DCC: variants seen among roughly 807,000 people sequenced by gnomAD.
DCC encodes netrin receptor DCC.
In DCC, 58 loss-of-function variants were observed where a neutral mutation model predicts 172.5. The observed-to-expected ratio is 0.34, with a 90% CI of 0.27 to 0.42. The LOEUF is 0.42. DCC is among the 10% of genes least tolerant of loss of function. The pLI, the probability that DCC is intolerant of heterozygous loss-of-function variation, is 1.00. For missense variants in DCC, 1,740 were observed against 1,791.0 expected, an observed-to-expected ratio of 0.97 and a Z score of 0.51; for synonymous variants, 709 against 644.5, an observed-to-expected ratio of 1.10 and a Z score of -1.52.
intron 1 of DCC, among the ~76,000 whole-genome samples, chr18:52,660,006 G>C (rs1421629408): frequency 6.6e-6 from 1 of 152,148 alleles, no homozygotes; most frequent in Non-Finnish European, 1.5e-5. Flanking sequence ...GATTTTATGA[G>C]AGCTTGAAAA....
intron 15 of DCC, among the ~76,000 whole-genome samples, chr18:53,385,325 G>C (rs986510647): frequency 2.6e-5 from 4 of 152,126 alleles, no homozygotes; most frequent in African/African-American, 7.2e-5. Context: ...AAAATTGACA[G>C]AAACAATGTG....
At chr18:52,883,601 C>T (rs141865316) in intron 2 of DCC, among the ~76,000 whole-genome samples, 303 of 152,076 alleles carry the variant, frequency 2.0e-3, no homozygotes, top group African/African-American at 6.9e-3. Context: ...TAAAACTCTA[C>T]ACTTTGTCTC....
At chr18:52,690,471 G>A (rs2035914102) in intron 1 of DCC, among the ~76,000 whole-genome samples, 1 of 152,148 alleles carries the variant, frequency 6.6e-6, no homozygotes, top group Non-Finnish European at 1.5e-5. Context: ...CTTTGTTGAG[G>A]ATATTGACAA....
chr18:52,411,274 G>A (rs1306200722), intron 1 of DCC, among the ~76,000 whole-genome samples: 1 of 152,124 alleles, frequency 6.6e-6, no homozygotes, highest in Admixed American at 6.6e-5. Flanking sequence ...CTGTGAAAGA[G>A]CATGGCATCT....
At chr18:52,903,437 G>A (rs1271800588) in intron 2 of DCC, among the ~76,000 whole-genome samples, 3 of 152,056 alleles carry the variant, frequency 2.0e-5, no homozygotes, top group African/African-American at 7.2e-5. Flanking sequence ...AAACTCCTGT[G>A]CTCAAGTGAT....
chr18:52,781,819 A>G, intron 2 of DCC, among the ~76,000 whole-genome samples: 1 of 152,104 alleles, frequency 6.6e-6, no homozygotes, highest in East Asian at 1.9e-4. Context: ...CATCAATTGG[A>G]TGTTATACCC....
intron 2 of DCC, among the ~76,000 whole-genome samples, chr18:52,828,649 C>T (rs2038555929): frequency 1.3e-5 from 2 of 152,082 alleles, no homozygotes; most frequent in South Asian, 4.1e-4. Flanking sequence ...ACAGAAGACT[C>T]ATTTCTGAAA....
chr18:53,066,419 G>A (rs12961883), intron 7 of DCC, among the ~76,000 whole-genome samples: 2 of 131,764 alleles, frequency 1.5e-5, no homozygotes, highest in Admixed American at 7.5e-5. Context: ...GTATGTGTGT[G>A]TTTGTGTATA....
rs1453377719 is a variant in DCC at position 53,428,328 on chromosome 18, TAA to T, written c.3164-6815_3164-6814del. ...ATAGAATATAATATATAATATAATATAATATATTGTATATAATATAATATATG... is the reference window on the plus strand; with the variant it reads ...ATAGAATATAATATATAATATAATATTATATTGTATATAATATAATATATG... On this transcript the variant is annotated intron_variant, in intron 21 of 28. Coordinates refer to ENST00000442544, the MANE Select transcript of DCC (RefSeq NM_005215.4). Among the ~76,000 whole-genome samples, 545 of 69,004 alleles carry T rather than the reference TAA, an allele frequency of 7.9e-3. 81 individuals are homozygous for T. Among genetic ancestry groups the T allele is most frequent in the Non-Finnish European group, 0.014 (489 of 35,744 alleles). 45.3% of individuals were successfully genotyped at this position (69,004 alleles called of 152,430 possible).
chr18:52,359,301 G>A (rs1228013799), intron 1 of DCC, among the ~76,000 whole-genome samples: 3 of 152,172 alleles, frequency 2.0e-5, no homozygotes, highest in East Asian at 3.9e-4. Flanking sequence ...TTATGAAATT[G>A]TATGGTTTGA....
chr18:53,051,395 T>C (rs1346380211), intron 5 of DCC, among the ~76,000 whole-genome samples: 2 of 152,088 alleles, frequency 1.3e-5, no homozygotes, highest in Admixed American at 1.3e-4. Context: ...CCTGTTCAGG[T>C]TTATAATGAT....
intron 5 of DCC, among the ~76,000 whole-genome samples, chr18:53,002,706 G>A (rs866561651): frequency 4.6e-5 from 7 of 151,830 alleles, no homozygotes; most frequent in South Asian, 2.1e-4. Context: ...TGTGCACAAC[G>A]TGCAGGTTTG....
chr18:53,083,934 A>G (rs542273290), intron 7 of DCC, among the ~76,000 whole-genome samples: 81 of 152,272 alleles, frequency 5.3e-4, no homozygotes, highest in African/African-American at 1.9e-3. Flanking sequence ...AACTGTAACA[A>G]CCTTTCTCCG....
intron 4 of DCC, among the ~76,000 whole-genome samples, chr18:52,924,214 A>C (rs982043028): frequency 3.3e-5 from 5 of 152,098 alleles, no homozygotes; most frequent in Admixed American, 2.0e-4. Flanking sequence ...TGTCACACAC[A>C]AAAGATAACT....
intron 1 of DCC, among the ~76,000 whole-genome samples, chr18:52,414,796 G>A (rs1222938): frequency 0.72 from 109,964 of 152,130 alleles, 39,937 homozygotes; most frequent in African/African-American, 0.76. Context: ...TTCTCATTCT[G>A]TGTTGCGTGA....
At chr18:53,066,654 A>AATATATATACAT (rs937470697) in intron 7 of DCC, among the ~76,000 whole-genome samples, 1 of 151,748 alleles carries the variant, frequency 6.6e-6, no homozygotes, top group African/African-American at 2.4e-5. Context: ...CATATCTATA[A>AATATATATACAT]ATATATATAC....
At chr18:52,514,671 G>A (rs555041009) in intron 1 of DCC, among the ~76,000 whole-genome samples, 2 of 152,292 alleles carry the variant, frequency 1.3e-5, no homozygotes, top group South Asian at 2.1e-4. Flanking sequence ...TATCAACTGA[G>A]TATAATTTTC....
intron 1 of DCC, among the ~76,000 whole-genome samples, chr18:52,578,922 A>C (rs1161668868): frequency 1.3e-5 from 2 of 152,180 alleles, no homozygotes; most frequent in African/African-American, 2.4e-5. Flanking sequence ...TGGAGGTTGC[A>C]GTGAGCCGAG....
intron 1 of DCC, among the ~76,000 whole-genome samples, chr18:52,439,292 A>G (rs569486027): frequency 6.6e-6 from 1 of 151,796 alleles, no homozygotes; most frequent in East Asian, 1.9e-4. Context: ...GAGAGTACAC[A>G]TCAATAAGAA....
Sources: allele counts gnomAD v4.1 joint callset (sites outside exome capture counted in the v4.1 genomes callset), GRCh38; gene constraint gnomAD v4.1.1; transcripts MANE v1.5; gene names NCBI Gene and HGNC (gene_info 2026-07-23, HGNC 2026-07-21).